The following ARHGAP23 variants were observed in gnomAD, a reference collection of about 807,000 sequenced individuals.
ARHGAP23 encodes rho GTPase-activating protein 23.
ARHGAP23 carries 34 observed loss-of-function variants against 136.3 expected under a neutral mutation model. The ratio of observed to expected loss-of-function variants is 0.25; its 90% CI spans 0.19 to 0.33. The LOEUF (loss-of-function observed/expected upper bound fraction) is 0.33. ARHGAP23 is among the 10% of genes least tolerant of loss of function. The probability of loss-of-function intolerance (pLI) is 1.00; values close to 1 mark genes in which losing one functional copy is unlikely to be tolerated. For synonymous variants in ARHGAP23, 832 were observed against 920.5 expected, an observed-to-expected ratio of 0.90 and a Z score of 1.74; for missense variants, 1,808 against 2,139.0, an observed-to-expected ratio of 0.85 and a Z score of 3.05.
chr17:38,462,247 CTTTTT>C (rs59822011), intron 3 of ARHGAP23, among the ~76,000 whole-genome samples: 2 of 46,874 alleles, frequency 4.3e-5, no homozygotes, highest in Non-Finnish European at 7.2e-5. Context: ...CGCACCCGGC[CTTTTT>C]TTTTTTTTTT....
At chr17:38,501,293 T>G (rs1247936900) in intron 23 of ARHGAP23, among the ~76,000 whole-genome samples, 2 of 130,024 alleles carry the variant, frequency 1.5e-5, no homozygotes, top group African/African-American at 5.8e-5. Context: ...TAAGTTATTT[T>G]TTATTTTTTA....
At chr17:38,503,570 A>C (rs1170881467) in intron 23 of ARHGAP23, among the ~76,000 whole-genome samples, 9 of 151,984 alleles carry the variant, frequency 5.9e-5, no homozygotes, top group Non-Finnish European at 1.2e-4. Context: ...AGATGTCCTC[A>C]TTTGCTTCCT....
rs940607536 is a variant in ARHGAP23 at position 38,479,808 on chromosome 17, G to A, written c.2554G>A (p.Gly852Ser). ...SSPKGSRGLG[G>S]LKSEFLKQSA... The stretch of plus-strand genomic sequence containing the variant: ...CCCCAAAGGCTCTCGCGGCCTGGGG[G>A]GCCTCAAGTCTGAGTTCCTCAAGCA... Residue 852 changes from glycine to serine, a missense_variant, in exon 14 of 24, where the codon GGC (glycine) becomes AGC (serine). Gly to Ser is a moderately conservative substitution (Grantham distance 56). Transcript: ENST00000622683. The A allele has an allele frequency of 3.3e-6, 5 of 1,527,568 alleles. No homozygotes were observed. The Admixed American group carries it at 1.0e-4, about 32-fold the overall frequency. 94.6% of individuals were successfully genotyped at this position (1,527,568 alleles called of 1,614,324 possible).
chr17:38,464,552 G>T (rs561980954), intron 6 of ARHGAP23, among the ~76,000 whole-genome samples: 4 of 152,184 alleles, frequency 2.6e-5, no homozygotes, highest in Non-Finnish European at 5.9e-5. Flanking sequence ...CCCTGACCTC[G>T]ATTGTCCCCT....
intron 17 of ARHGAP23, among the ~76,000 whole-genome samples, chr17:38,489,082 G>A (rs569884478): frequency 1.5e-4 from 23 of 152,106 alleles, no homozygotes; most frequent in Admixed American, 4.6e-4. Context: ...TGCCACATTG[G>A]CCAGGCTGGT....
chr17:38,430,080 C>T (rs1158907400), intron 1 of ARHGAP23, among the ~76,000 whole-genome samples: 1 of 152,202 alleles, frequency 6.6e-6, no homozygotes, highest in East Asian at 1.9e-4. Context: ...GATCCTGCAT[C>T]TGAGGACCTG....
chr17:38,456,358 C>T (rs553225987), intron 1 of ARHGAP23, among the ~76,000 whole-genome samples: 22 of 152,292 alleles, frequency 1.4e-4, no homozygotes, highest in African/African-American at 5.3e-4. Flanking sequence ...GGCATCAGGA[C>T]ATTTGAGCTT....
chr17:38,486,296 C>T (rs180936356), intron 17 of ARHGAP23, among the ~76,000 whole-genome samples, 156 bp downstream of exon 17: 5 of 151,484 alleles, frequency 3.3e-5, no homozygotes, highest in East Asian at 1.9e-4. Context: ...GGCGCAATCA[C>T]GGCTCATTGC....
Position 38,479,672 on chromosome 17 carries a change from C to T in ARHGAP23, c.2499-81C>T, listed in dbSNP as rs1055777657. ...TTGCCTCAGGGTGGAGGGGAGGTCCCGAGGGGCGGGAGGCCAGGGTGGGTG... is the reference window on the plus strand; with the variant it reads ...TTGCCTCAGGGTGGAGGGGAGGTCCTGAGGGGCGGGAGGCCAGGGTGGGTG... On this transcript the variant is annotated intron_variant, in intron 13 of 23. Transcript: ENST00000622683. 2.0e-5 allele frequency: 29 copies of T among 1,439,064 alleles called. No homozygotes were observed. In the East Asian group the frequency reaches 2.3e-4, roughly 11 times the overall value. 89.1% of individuals were successfully genotyped at this position (1,439,064 alleles called of 1,614,324 possible). A position where few individuals can be genotyped will look rare whatever the true frequency, so the allele number is the denominator to read the frequency against.
At chr17:38,467,642 T>TC (rs2039644216) in intron 7 of ARHGAP23, among the ~76,000 whole-genome samples, 1 of 152,058 alleles carries the variant, frequency 6.6e-6, no homozygotes, top group Non-Finnish European at 1.5e-5. Context: ...CTTCCTTCCT[T>TC]CTTTCCTTCC....
rs1011102942 is a variant in ARHGAP23, at chr17:38,466,986, G to A, written c.1303G>A (p.Ala435Thr). 22 of 1,550,604 alleles carry A rather than the reference G, an allele frequency of 1.4e-5. No homozygotes were observed. The highest frequency in any genetic ancestry group is 1.7e-5 in the Non-Finnish European group (20 of 1,146,960). The stretch of plus-strand genomic sequence containing the variant: ...CCAGCGCCGGACCGGCCTCCTCCAT[G>A]CGCTCTCCTTCCGGGACTCACCCTT... ...SFQRRTGLLH[A>T]LSFRDSPFGG... is the part of the protein sequence containing the mutation. The change falls in exon 7 of 24, where the codon GCG (alanine) becomes ACG (threonine). Residue 435 changes from alanine to threonine, a missense_variant. By Grantham distance (58) the Ala-to-Thr change is moderately conservative. Coordinates refer to ENST00000622683, the MANE Select transcript of ARHGAP23 (RefSeq NM_001199417.2).
At chr17:38,487,241 CT>C (rs1794219539) in intron 17 of ARHGAP23, among the ~76,000 whole-genome samples, 1 of 152,176 alleles carries the variant, frequency 6.6e-6, no homozygotes, top group Non-Finnish European at 1.5e-5. Context: ...CTACCTCATT[CT>C]TCTTTTAAAT....
chr17:38,476,455 A>G (rs2039893255), intron 11 of ARHGAP23, among the ~76,000 whole-genome samples: 1 of 151,832 alleles, frequency 6.6e-6, no homozygotes, highest in Non-Finnish European at 1.5e-5. Context: ...GGGGGTGGAG[A>G]GTGGAGAAGG....
intron 1 of ARHGAP23, among the ~76,000 whole-genome samples, chr17:38,421,983 G>A (rs75172683): frequency 0.014 from 2,140 of 152,328 alleles, 50 homozygotes; most frequent in African/African-American, 0.049. Context: ...GTGCAGTGAT[G>A]TGTGGGGACC....
Position 38,466,813 on chromosome 17 carries a change from G to A in ARHGAP23, c.1130G>A (p.Arg377Gln), listed in dbSNP as rs892370170. The A allele has an allele frequency of 8.4e-6, 13 of 1,548,976 alleles. No homozygotes were observed. The highest frequency in any genetic ancestry group is 2.4e-5 in the East Asian group (1 of 40,878). The change falls in exon 7 of 24, where the codon CGG (arginine) becomes CAG (glutamine). Residue 377 changes from arginine (R) to glutamine (Q), a missense_variant. Physicochemically the swap from Arg to Gln is conservative, Grantham distance 43. Around this residue, in one of 7 missense-constraint regions of ARHGAP23, gnomAD observed 859 missense variants for 936.4 expected, o/e 0.92. Coordinates refer to ENST00000622683, the MANE Select transcript of ARHGAP23 (RefSeq NM_001199417.2). Reference sequence around the variant, plus strand: ...GCACTGGTGTCACCCCGCTTTGAGCGGTGTGGCTGGGCTTCCCAGCGTTCG... The same window carrying A: ...GCACTGGTGTCACCCCGCTTTGAGCAGTGTGGCTGGGCTTCCCAGCGTTCG... ...PGALVSPRFE[R>Q]CGWASQRSSA...
chr17:38,473,103 A>ATTTTTTTTTTTTTTTT (rs59594005), intron 11 of ARHGAP23, among the ~76,000 whole-genome samples: 1 of 129,964 alleles, frequency 7.7e-6, no homozygotes. Flanking sequence ...AACCCGGCTA[A>ATTTTTTTTTTTTTTTT]TTTTTTTTTT....
chr17:38,498,666 C>T (rs1317602907), intron 22 of ARHGAP23, among the ~76,000 whole-genome samples, 156 bp downstream of exon 22: 1 of 152,138 alleles, frequency 6.6e-6, no homozygotes. Flanking sequence ...GGGGCCTTCT[C>T]CCTCCCTAGG....
intron 1 of ARHGAP23, among the ~76,000 whole-genome samples, chr17:38,422,345 G>A (rs751661467): frequency 6.6e-5 from 10 of 152,268 alleles, no homozygotes; most frequent in East Asian, 1.9e-4. Context: ...TTTCCTCTCC[G>A]TCTTGGTGTT....
rs59822011 is a variant in ARHGAP23, at chr17:38,462,247, C to CT, written c.254-575dup. On this transcript the variant is annotated intron_variant, in intron 3 of 23. Coordinates refer to ENST00000622683, the MANE Select transcript of ARHGAP23 (RefSeq NM_001199417.2). ...ACAGGCGTGAACCACCGCACCCGGC[C>CT]TTTTTTTTTTTTTTTTTTTTTTTTG... Among the ~76,000 whole-genome samples, 360 of 46,864 alleles carry CT rather than the reference C, an allele frequency of 7.7e-3. 3 individuals are homozygous for CT. The highest frequency in any genetic ancestry group is 0.019 in the Middle Eastern group (1 of 52). The allele number at this position is 46,864 out of a possible 152,430, so 30.7% of individuals were successfully genotyped here. A position where few individuals can be genotyped will look rare whatever the true frequency, so the allele number is the denominator to read the frequency against.
Sources: gnomAD v4.1 joint callset for allele counts (sites outside exome capture counted in the v4.1 genomes callset) on GRCh38, gnomAD v4.1.1 for gene constraint, gnomAD v4.1.1 regional missense constraint, MANE v1.5 for transcripts, NCBI Gene and HGNC (gene_info 2026-07-23, HGNC 2026-07-21) for gene names.